COLGALT2: variants seen among roughly 807,000 people sequenced by gnomAD.
The protein encoded by COLGALT2 is procollagen galactosyltransferase 2.
A neutral mutation model predicts 73.4 loss-of-function variants in COLGALT2; 49 were observed. That is an observed-to-expected ratio of 0.67 (90% CI 0.53 to 0.85). The LOEUF (loss-of-function observed/expected upper bound fraction) is 0.85, where lower values mean the gene tolerates loss of function less well. Ranked by LOEUF, COLGALT2 falls within the 40% of genes least tolerant of loss-of-function variation. The pLI is 0.00. For missense variants in COLGALT2, 722 were observed against 790.2 expected, an observed-to-expected ratio of 0.91 and a Z score of 1.03; for synonymous variants, 295 against 307.6, an observed-to-expected ratio of 0.96 and a Z score of 0.43.
chr1:184,026,202 G>A (rs1045779668), intron 1 of COLGALT2, among the ~76,000 whole-genome samples: 1 of 152,100 alleles, frequency 6.6e-6, no homozygotes, highest in Non-Finnish European at 1.5e-5. Context: ...CTTTTGGCTA[G>A]AGGAAACTGT....
chr1:183,974,263 T>G (rs1671131523), intron 3 of COLGALT2, among the ~76,000 whole-genome samples: 1 of 152,184 alleles, frequency 6.6e-6, no homozygotes. Context: ...TTTCCTATTC[T>G]TAGAAGTCCA....
intron 6 of COLGALT2, among the ~76,000 whole-genome samples, chr1:183,956,909 T>A (rs1411903783): frequency 6.6e-6 from 1 of 152,140 alleles, no homozygotes; most frequent in African/African-American, 2.4e-5. Flanking sequence ...GAAGGATGTA[T>A]CTTTGCTGAC....
intron 8 of COLGALT2, among the ~76,000 whole-genome samples, chr1:183,950,485 AAAAAG>A (rs1158221699): frequency 6.6e-6 from 1 of 152,030 alleles, no homozygotes; most frequent in Non-Finnish European, 1.5e-5. Context: ...AAAAAAAAAA[AAAAAG>A]AAGGGATCTA....
In COLGALT2 at chr1:183,940,592, G is replaced by A; in HGVS notation, c.1593C>T (p.Asn531=). The A allele has an allele frequency of 2.5e-6, 4 of 1,614,216 alleles. No individual in the cohort carries two copies. Among genetic ancestry groups the A allele is most frequent in the Non-Finnish European group, 3.4e-6 (4 of 1,180,030 alleles). Residue 531 remains asparagine (N), a synonymous_variant, in exon 11 of 12, where the codon AAC becomes AAT. Coordinates refer to ENST00000361927, the MANE Select transcript of COLGALT2 (RefSeq NM_015101.4). ...TCAGGGAGACTCACACGGGATGCTT[G>A]TTGTACATGACTGGCAGAAACTCAT... ...PVDEFLPVMY[N]KHPVAEYKEY...
At chr1:184,029,608 G>T (rs1373614825) in intron 1 of COLGALT2, among the ~76,000 whole-genome samples, 1 of 152,232 alleles carries the variant, frequency 6.6e-6, no homozygotes, top group Non-Finnish European at 1.5e-5. Context: ...GCAAGGTCAG[G>T]TGCTGGTTAC....
chr1:183,984,372 T>A (rs1022433180), intron 1 of COLGALT2, among the ~76,000 whole-genome samples: 7 of 152,240 alleles, frequency 4.6e-5, no homozygotes, highest in African/African-American at 1.7e-4. Context: ...GCCACTGCAC[T>A]CCAGCCTGGG....
At chr1:184,004,102 C>A (rs6669863) in intron 1 of COLGALT2, among the ~76,000 whole-genome samples, 72 of 152,216 alleles carry the variant, frequency 4.7e-4, no homozygotes, top group African/African-American at 1.6e-3. Context: ...GATTAAGGTG[C>A]AGGTTGAATA....
intron 1 of COLGALT2, among the ~76,000 whole-genome samples, chr1:184,021,850 G>A (rs1649191734): frequency 6.6e-6 from 1 of 152,216 alleles, no homozygotes; most frequent in African/African-American, 2.4e-5. Flanking sequence ...AGACAAAGCT[G>A]GGAGGAGTTT....
chr1:183,955,840 C>T (rs1335784451), intron 6 of COLGALT2, among the ~76,000 whole-genome samples: 1 of 152,200 alleles, frequency 6.6e-6, no homozygotes, highest in Non-Finnish European at 1.5e-5. Flanking sequence ...TATCTGTTCA[C>T]CTCTATTCCA....
intron 1 of COLGALT2, among the ~76,000 whole-genome samples, chr1:184,028,766 T>C (rs1029559506): frequency 2.0e-5 from 3 of 152,228 alleles, no homozygotes; most frequent in Non-Finnish European, 2.9e-5. Context: ...ATTTATGTTA[T>C]TATTTGTGTT....
At chr1:184,029,965 G>C (rs2102861371) in intron 1 of COLGALT2, among the ~76,000 whole-genome samples, 1 of 152,282 alleles carries the variant, frequency 6.6e-6, no homozygotes, top group Admixed American at 6.5e-5. Flanking sequence ...AAATGAAAAG[G>C]ATATATGTAT....
At chr1:183,944,430 A>G in intron 9 of COLGALT2, 107 bp from the exon 10 acceptor site, 1 of 1,274,222 alleles carries the variant, frequency 7.8e-7, no homozygotes, top group Non-Finnish European at 1.1e-6. Flanking sequence ...CAGATTCATA[A>G]CTGGAATCTA....
chr1:183,959,000 T>C (rs1283413521), intron 6 of COLGALT2, among the ~76,000 whole-genome samples: 1 of 152,106 alleles, frequency 6.6e-6, no homozygotes, highest in Admixed American at 6.6e-5. Flanking sequence ...TTCTCTTCAG[T>C]CCACTTGAAT....
Position 183,937,293 on chromosome 1 carries a change from G to A in COLGALT2, c.*1468C>T. 1 of 1,112,216 alleles carries A rather than the reference G, an allele frequency of 9.0e-7. No homozygotes were observed. The highest frequency in any genetic ancestry group is 1.1e-6 in the Non-Finnish European group (1 of 912,574). The allele number at this position is 1,112,216 out of a possible 1,614,324, so 68.9% of individuals were successfully genotyped here. On this transcript the variant is annotated 3_prime_UTR_variant, in exon 12 of 12. Transcript: ENST00000361927. ...TGGGATGCCTGGGAGGGTTTTTCTG[G>A]AGACAAAAATTTACAGATTGAGGGC...
At chr1:183,946,351 C>T (rs375745579) in intron 8 of COLGALT2, 2 of 152,140 alleles carry the variant, frequency 1.3e-5, no homozygotes, top group East Asian at 3.9e-4. Context: ...TGATTTGCTC[C>T]AAAATATCCC....
At chr1:184,023,642 G>GT (rs1491485448) in intron 1 of COLGALT2, among the ~76,000 whole-genome samples, 796 of 63,044 alleles carry the variant, frequency 0.013, 15 homozygotes, top group African/African-American at 0.052. Flanking sequence ...AGTGCGTGAG[G>GT]TGGGGGGGGG....
In COLGALT2 at chr1:183,949,268, C is replaced by T. The variant is rs77569510; in HGVS notation, c.1136+1739G>A. On this transcript the variant is annotated intron_variant, in intron 8 of 11. Coordinates refer to ENST00000361927, the MANE Select transcript of COLGALT2 (RefSeq NM_015101.4). ...AAATTCATATGGAAAAAGTAAGGGACCCAGAATAGCTGAGACAAACTCGAA... is the reference window on the plus strand; with the variant it reads ...AAATTCATATGGAAAAAGTAAGGGATCCAGAATAGCTGAGACAAACTCGAA... Among the ~76,000 whole-genome samples, 904 of 152,164 alleles carry T rather than the reference C, an allele frequency of 5.9e-3. 11 individuals carry two copies. Among genetic ancestry groups the T allele is most frequent in the African/African-American group, 0.021 (872 of 41,520 alleles).
intron 8 of COLGALT2, among the ~76,000 whole-genome samples, chr1:183,947,106 T>G (rs1034057085): frequency 2.6e-5 from 4 of 151,134 alleles, no homozygotes; most frequent in Admixed American, 1.3e-4. Context: ...CTCAGAACCA[T>G]GAAACTGGAA....
intron 1 of COLGALT2, among the ~76,000 whole-genome samples, chr1:184,019,118 C>A (rs1002480047): frequency 6.6e-6 from 1 of 152,136 alleles, no homozygotes; most frequent in African/African-American, 2.4e-5. Flanking sequence ...TTCTCAATAG[C>A]AACTCACTTC....
Sources: gnomAD v4.1 joint callset for allele counts (sites outside exome capture counted in the v4.1 genomes callset) on GRCh38, gnomAD v4.1.1 for gene constraint, MANE v1.5 for transcripts, NCBI Gene and HGNC (gene_info 2026-07-23, HGNC 2026-07-21) for gene names.